VPS13B: variants seen among roughly 807,000 people sequenced by gnomAD.
The protein encoded by VPS13B is intermembrane lipid transfer protein VPS13B.
A neutral mutation model predicts 426.4 loss-of-function variants in VPS13B; 285 were observed. The ratio of observed to expected loss-of-function variants is 0.67; its 90% confidence interval spans 0.61 to 0.74. VPS13B has a LOEUF of 0.74. VPS13B is among the 30% of genes least tolerant of loss of function. VPS13B has a pLI of 0.00. For missense variants in VPS13B, 4,537 were observed against 4,782.6 expected (o/e 0.95, Z 1.51); for synonymous variants, 1,676 against 1,676.4 (o/e 1.00, Z 0.01).
In VPS13B at chr8:99,328,972, A is replaced by G. The variant is rs143527363; in HGVS notation, c.2824+53718A>G. 4.6e-5 allele frequency among the ~76,000 whole-genome samples: 7 copies of G among 152,204 alleles called. No individual in the cohort carries two copies. In the East Asian group the frequency reaches 1.2e-3, roughly 25 times the overall value. On this transcript the variant is annotated intron_variant, in intron 19 of 61. Transcript: ENST00000357162. Reference sequence around the variant, plus strand: ...TGTTTGTTTTACCTCTCCTCCCCCTAGTTATTAGATTAAGTTGCTCATCTA... The same window carrying G: ...TGTTTGTTTTACCTCTCCTCCCCCTGGTTATTAGATTAAGTTGCTCATCTA...
At chr8:99,170,011 A>G (rs763406016) in intron 15 of VPS13B, 28 bp from the exon 16 acceptor site, 1 of 1,611,336 alleles carries the variant, frequency 6.2e-7, no homozygotes, top group South Asian at 1.1e-5. Flanking sequence ...GTCTGTGTGA[A>G]CACTTGCATC....
chr8:99,429,060 C>T (rs576442132), intron 21 of VPS13B, among the ~76,000 whole-genome samples: 77 of 152,220 alleles, frequency 5.1e-4, no homozygotes, highest in African/African-American at 1.8e-3. Context: ...TATTCTCACT[C>T]ATAGGTGGGA....
chr8:99,541,912 T>C (rs1563786256), intron 30 of VPS13B, among the ~76,000 whole-genome samples: 1 of 152,150 alleles, frequency 6.6e-6, no homozygotes, highest in Admixed American at 6.6e-5. Flanking sequence ...ATCTGAATAG[T>C]GTTTAATCCT....
chr8:99,032,003 A>T (rs1842527478), intron 2 of VPS13B, among the ~76,000 whole-genome samples: 1 of 152,222 alleles, frequency 6.6e-6, no homozygotes. Flanking sequence ...AGCTCCCTAT[A>T]CTGGACTCAG....
chr8:99,825,190 C>G (rs1588751747), intron 51 of VPS13B, among the ~76,000 whole-genome samples: 1 of 152,182 alleles, frequency 6.6e-6, no homozygotes, highest in South Asian at 2.1e-4. Context: ...ACACTCCCAC[C>G]AACAGTGTAA....
intron 3 of VPS13B, among the ~76,000 whole-genome samples, chr8:99,082,450 G>T (rs1199877584): frequency 2.0e-5 from 3 of 152,162 alleles, no homozygotes; most frequent in Non-Finnish European, 4.4e-5. Context: ...TTGCTGTGCA[G>T]AAGCTCTTTA....
chr8:99,868,690 C>G (rs1169550763), intron 59 of VPS13B, among the ~76,000 whole-genome samples: 1 of 152,180 alleles, frequency 6.6e-6, no homozygotes, highest in African/African-American at 2.4e-5. Flanking sequence ...AATCTTTTTA[C>G]AGTACACTTG....
intron 30 of VPS13B, among the ~76,000 whole-genome samples, chr8:99,526,161 T>G (rs1006338629): frequency 1.4e-4 from 22 of 152,138 alleles, no homozygotes; most frequent in African/African-American, 4.8e-4. Flanking sequence ...AAAAAGAGGT[T>G]AAATATACGT....
At chr8:99,034,981 A>G (rs2132210644) in intron 2 of VPS13B, among the ~76,000 whole-genome samples, 1 of 152,200 alleles carries the variant, frequency 6.6e-6, no homozygotes. Flanking sequence ...GCTAGCTTGA[A>G]GCCCAGGAGT....
At position 99,430,497 on chromosome 8, in the gene VPS13B, T is replaced by G. The variant is rs1345705285; in HGVS notation, c.3083-1040T>G. 2.6e-5 allele frequency among the ~76,000 whole-genome samples: 4 copies of G among 152,324 alleles called. No individual in the cohort carries two copies. In the East Asian group the frequency reaches 7.7e-4, roughly 29 times the overall value. Reference sequence around the variant, plus strand: ...TCCAGTTTTAAATGAAACTGTTTAGTTATAATACATTACTATAAATTACTC... The same window carrying G: ...TCCAGTTTTAAATGAAACTGTTTAGGTATAATACATTACTATAAATTACTC... On this transcript the variant is annotated intron_variant, in intron 21 of 61. Coordinates refer to ENST00000357162, the MANE Select transcript of VPS13B (RefSeq NM_152564.5).
chr8:99,348,936 A>G (rs913674474), intron 19 of VPS13B, among the ~76,000 whole-genome samples: 63 of 152,296 alleles, frequency 4.1e-4, no homozygotes, highest in African/African-American at 1.5e-3. Flanking sequence ...GAGAAAATTT[A>G]TAACACTTCA....
chr8:99,562,073 T>C (rs1240141040), intron 31 of VPS13B, among the ~76,000 whole-genome samples: 1 of 152,214 alleles, frequency 6.6e-6, no homozygotes, highest in East Asian at 1.9e-4. Flanking sequence ...TTCTTACTAA[T>C]ACTCACTTTT....
At position 99,423,292 on chromosome 8, in the gene VPS13B, T is replaced by C. The variant is rs183164034; in HGVS notation, c.3083-8245T>C. 9.2e-5 allele frequency among the ~76,000 whole-genome samples: 14 copies of C among 152,218 alleles called. No homozygotes were observed. In the East Asian group the frequency reaches 2.3e-3, roughly 25 times the overall value. ...TTTTTTTTTTGAAACAGTCTCACTC[T>C]GTTGCCCAGGCTGGAATGCAGTGGG... On this transcript the variant is annotated intron_variant, in intron 21 of 61. Coordinates refer to ENST00000357162, the MANE Select transcript of VPS13B (RefSeq NM_152564.5).
At chr8:99,742,196 C>T (rs1389384319) in intron 39 of VPS13B, among the ~76,000 whole-genome samples, 1 of 152,180 alleles carries the variant, frequency 6.6e-6, no homozygotes, top group Non-Finnish European at 1.5e-5. Flanking sequence ...ACTATAAACA[C>T]CTCTACGCAA....
chr8:99,787,725 A>G (rs1334382031), intron 43 of VPS13B, among the ~76,000 whole-genome samples: 1 of 152,202 alleles, frequency 6.6e-6, no homozygotes, highest in African/African-American at 2.4e-5. Context: ...CAAACCAGCT[A>G]TAGTGACATC....
chr8:99,265,635 G>A (rs1327964824), intron 17 of VPS13B, among the ~76,000 whole-genome samples: 1 of 152,058 alleles, frequency 6.6e-6, no homozygotes, highest in East Asian at 1.9e-4. Context: ...TTAAAGGAGA[G>A]GATCCTACAT....
intron 17 of VPS13B, among the ~76,000 whole-genome samples, chr8:99,196,861 T>A (rs945762121): frequency 6.6e-6 from 1 of 152,216 alleles, no homozygotes; most frequent in African/African-American, 2.4e-5. Flanking sequence ...CTTCCAGTAC[T>A]GTGTGGAAAA....
chr8:99,831,059 G>A (rs1815014418), intron 51 of VPS13B, among the ~76,000 whole-genome samples: 1 of 127,400 alleles, frequency 7.8e-6, no homozygotes, highest in Non-Finnish European at 1.7e-5. Context: ...ATCTTGCCCG[G>A]GAATTGGTGT....
intron 55 of VPS13B, among the ~76,000 whole-genome samples, chr8:99,850,368 T>C (rs941257177): frequency 2.0e-5 from 3 of 149,278 alleles, no homozygotes; most frequent in East Asian, 1.9e-4. Flanking sequence ...AGTACGCATG[T>C]ATGTACTTAT....
Sources: gnomAD v4.1 joint callset for allele counts (sites outside exome capture counted in the v4.1 genomes callset) on GRCh38, gnomAD v4.1.1 for gene constraint, MANE v1.5 for transcripts, NCBI Gene and HGNC (gene_info 2026-07-23, HGNC 2026-07-21) for gene names.